The following MYO1H variants were observed in gnomAD, a reference collection of about 807,000 sequenced individuals.
The protein encoded by MYO1H is unconventional myosin-Ih.
A neutral mutation model predicts 149.3 loss-of-function variants in MYO1H; 118 were observed. The observed-to-expected ratio is 0.79, with a 90% CI of 0.68 to 0.92. The LOEUF (loss-of-function observed/expected upper bound fraction) is 0.92. Among genes scored for constraint, MYO1H ranks in the 40% least tolerant of loss-of-function variants. The pLI, the probability that MYO1H is intolerant of heterozygous loss-of-function variation, is 0.00. For synonymous variants in MYO1H, 447 were observed against 465.2 expected (o/e 0.96, Z 0.50); for missense variants, 1,212 against 1,280.7 (o/e 0.95, Z 0.82).
Position 109,432,927 on chromosome 12 carries a change from G to A in MYO1H, c.1980G>A (p.Pro660=), listed in dbSNP as rs540050005. ...AGTCCTTATGCCCAGACACCTGGCC[G>A]CACTGGCACGGGCCTCCAGCAGAGG... is the stretch of plus-strand genomic sequence containing the variant. Residue 660 remains proline (P), a synonymous_variant, in exon 20 of 32, where the codon CCG becomes CCA. Transcript: ENST00000310903. The A allele has an allele frequency of 1.0e-4, 169 of 1,613,974 alleles. No homozygotes were observed. In the Admixed American group the frequency reaches 1.3e-3, roughly 13 times the overall value.
At chr12:109,313,165 G>C in the MYO1H span, among the ~76,000 whole-genome samples, 1 of 152,078 alleles carries the variant, frequency 6.6e-6, no homozygotes, top group Non-Finnish European at 1.5e-5. Context: ...GGATTGCTTT[G>C]AGCCCCTGGA....
intron 19 of MYO1H, among the ~76,000 whole-genome samples, chr12:109,431,399 AC>A (rs1871609701): frequency 6.6e-6 from 1 of 152,108 alleles, no homozygotes; most frequent in African/African-American, 2.4e-5. Flanking sequence ...TAAATAAATA[AC>A]ATAAATATAA....
the MYO1H span, among the ~76,000 whole-genome samples, chr12:109,329,148 G>T: frequency 6.7e-6 from 1 of 150,322 alleles, no homozygotes; most frequent in Non-Finnish European, 1.5e-5. Flanking sequence ...TCTGTTCCAC[G>T]TGTTTATTGT....
intron 5 of MYO1H, 74 bp downstream of exon 5, chr12:109,397,886 C>T (rs1489884423): frequency 1.8e-6 from 2 of 1,140,412 alleles, no homozygotes; most frequent in Non-Finnish European, 2.4e-6. Context: ...GCCAAGGCCC[C>T]TTAAGGGGAG....
intron 5 of MYO1H, among the ~76,000 whole-genome samples, chr12:109,400,359 T>G (rs1286201489): frequency 1.3e-5 from 2 of 152,330 alleles, no homozygotes; most frequent in Non-Finnish European, 2.9e-5. Context: ...TGCCAACATT[T>G]ATATTCTTCA....
At position 109,411,757 on chromosome 12, in the gene MYO1H, C is replaced by A. The variant is rs572228733; in HGVS notation, c.1411-137C>A. On this transcript the variant is annotated intron_variant, in intron 13 of 31. Coordinates refer to ENST00000310903, the Ensembl canonical transcript of MYO1H. ...CACATGGATTAAGCCCTTCTTCCCCCCAGAATGTTCACCTGCACTTACATG... is the reference window on the plus strand; with the variant it reads ...CACATGGATTAAGCCCTTCTTCCCCACAGAATGTTCACCTGCACTTACATG... 18 of 588,600 alleles carry A rather than the reference C, an allele frequency of 3.1e-5. No individual in the cohort carries two copies. The South Asian group carries it at 3.5e-4, about 12-fold the overall frequency. The allele number at this position is 588,600 out of a possible 1,614,324, so 36.5% of individuals were successfully genotyped here.
At chr12:109,350,354 T>A (rs751397260) in intron 1 of MYO1H, among the ~76,000 whole-genome samples, 115 of 152,208 alleles carry the variant, frequency 7.6e-4, no homozygotes, top group Non-Finnish European at 1.3e-3. Context: ...AGGGACCCGG[T>A]GGGAGATTAT....
chr12:109,318,239 A>G, the MYO1H span, among the ~76,000 whole-genome samples: 3 of 152,208 alleles, frequency 2.0e-5, no homozygotes, highest in Admixed American at 2.0e-4. Context: ...CAATGTAACC[A>G]TATTTCTTAT....
At chr12:109,442,356 A>G in intron 27 of MYO1H, 84 bp downstream of exon 27, 2 of 1,223,024 alleles carry the variant, frequency 1.6e-6, no homozygotes, top group Non-Finnish European at 2.4e-6. Context: ...TAAAGGGCGC[A>G]CTATTTAAAT....
At chr12:109,361,407 C>T (rs11066394) in intron 1 of MYO1H, among the ~76,000 whole-genome samples, 1 of 151,758 alleles carries the variant, frequency 6.6e-6, no homozygotes, top group African/African-American at 2.4e-5. Context: ...GAGGACTTAC[C>T]CCCCAAAAAA....
chr12:109,320,807 C>T, the MYO1H span, among the ~76,000 whole-genome samples: 1 of 151,918 alleles, frequency 6.6e-6, no homozygotes, highest in Admixed American at 6.6e-5. Flanking sequence ...AGAAGATCCT[C>T]GGCTGGGCGT....
At chr12:109,363,491 T>G (rs1243217964) in intron 1 of MYO1H, among the ~76,000 whole-genome samples, 1 of 152,084 alleles carries the variant, frequency 6.6e-6, no homozygotes, top group Non-Finnish European at 1.5e-5. Flanking sequence ...GACGAGTGGA[T>G]CACTTGAGGT....
chr12:109,325,546 A>T, the MYO1H span, among the ~76,000 whole-genome samples: 3 of 152,226 alleles, frequency 2.0e-5, no homozygotes, highest in Non-Finnish European at 4.4e-5. Context: ...TGACTAAAAC[A>T]CCAAAAGCAA....
chr12:109,312,908 T>A, the MYO1H span, among the ~76,000 whole-genome samples: 9 of 151,716 alleles, frequency 5.9e-5, no homozygotes, highest in Admixed American at 3.3e-4. Context: ...CCTTGCTTTG[T>A]CAATTCCTAA....
At chr12:109,310,693 C>CAAGTG in the MYO1H span, among the ~76,000 whole-genome samples, 1 of 152,112 alleles carries the variant, frequency 6.6e-6, no homozygotes, top group African/African-American at 2.4e-5. Flanking sequence ...ATTTCAAGTT[C>CAAGTG]TATTCAGGTG....
chr12:109,435,921 T>G (rs1379446423), intron 21 of MYO1H, among the ~76,000 whole-genome samples: 1 of 152,198 alleles, frequency 6.6e-6, no homozygotes, highest in Non-Finnish European at 1.5e-5. Flanking sequence ...CAGTGGGGCC[T>G]GAGCCAGCAT....
the MYO1H span, among the ~76,000 whole-genome samples, chr12:109,336,002 A>G: frequency 6.6e-6 from 1 of 151,890 alleles, no homozygotes; most frequent in African/African-American, 2.4e-5. Flanking sequence ...TTTTTTTGTG[A>G]CAGAGTCTTG....
the MYO1H span, among the ~76,000 whole-genome samples, chr12:109,333,373 C>T: frequency 6.6e-6 from 1 of 152,040 alleles, no homozygotes; most frequent in Non-Finnish European, 1.5e-5. Flanking sequence ...TATGTTGCAT[C>T]GTGTCCTCTC....
At chr12:109,312,676 A>G in the MYO1H span, among the ~76,000 whole-genome samples, 1 of 152,124 alleles carries the variant, frequency 6.6e-6, no homozygotes, top group African/African-American at 2.4e-5. Flanking sequence ...GATTTGTAGT[A>G]ATGATCAGGT....
Sources: allele counts gnomAD v4.1 joint callset (sites outside exome capture counted in the v4.1 genomes callset), GRCh38; gene constraint gnomAD v4.1.1; transcripts MANE v1.5; gene names NCBI Gene and HGNC (gene_info 2026-07-23, HGNC 2026-07-21).